Variants in CSGALNACT2 observed in about 807,000 individuals in gnomAD.
The protein encoded by CSGALNACT2 is chondroitin sulfate N-acetylgalactosaminyltransferase 2.
A neutral mutation model predicts 55.3 loss-of-function variants in CSGALNACT2; 35 were observed. The observed-to-expected ratio is 0.63, with a 90% CI of 0.48 to 0.84. The LOEUF is 0.84. CSGALNACT2 is among the 40% of genes least tolerant of loss of function. The probability of loss-of-function intolerance (pLI) is 0.00; values close to 1 mark genes in which losing one functional copy is unlikely to be tolerated. For synonymous variants in CSGALNACT2, 196 were observed against 224.9 expected, an observed-to-expected ratio of 0.87 and a Z score of 1.15; for missense variants, 544 against 657.5, an observed-to-expected ratio of 0.83 and a Z score of 1.89.
At chr10:43,146,556 CAAGTT>C (rs1178069494) in intron 1 of CSGALNACT2, among the ~76,000 whole-genome samples, 2 of 152,138 alleles carry the variant, frequency 1.3e-5, no homozygotes, top group Non-Finnish European at 2.9e-5. Flanking sequence ...TCAGTTCAGT[CAAGTT>C]GACACTCAAT....
Position 43,183,772 on chromosome 10 carries a change from T to C in CSGALNACT2, c.*230T>C. 1 of 542,742 alleles carries C rather than the reference T, an allele frequency of 1.8e-6. No homozygotes were observed. The highest frequency in any genetic ancestry group is 3.3e-6 in the Non-Finnish European group (1 of 303,752). 33.6% of individuals were successfully genotyped at this position (542,742 alleles called of 1,614,324 possible). ...CTATGGAATAATTGACAAATTGAAATCTCATATTTGTCCCAAAAGTTGTTT... is the reference window on the plus strand; with the variant it reads ...CTATGGAATAATTGACAAATTGAAACCTCATATTTGTCCCAAAAGTTGTTT... On this transcript the variant is annotated 3_prime_UTR_variant, in exon 8 of 8. Coordinates refer to ENST00000374466, the MANE Select transcript of CSGALNACT2 (RefSeq NM_018590.5).
rs756358314 is a variant in CSGALNACT2 at position 43,183,486 on chromosome 10, A to G, written c.1573A>G (p.Ile525Val). 2 of 1,614,182 alleles carry G rather than the reference A, an allele frequency of 1.2e-6. No individual in the cohort carries two copies. The highest frequency in any genetic ancestry group is 1.1e-5 in the South Asian group (1 of 91,078). The change falls in exon 8 of 8, where the codon ATA becomes GTA. Residue 525 changes from isoleucine (I) to valine (V), a missense_variant. Ile to Val is a conservative substitution (Grantham distance 29, BLOSUM62 3). Around this residue, in one of 2 missense-constraint regions of CSGALNACT2, gnomAD observed 170 missense variants for 256.2 expected, o/e 0.66. Coordinates refer to ENST00000374466, the MANE Select transcript of CSGALNACT2 (RefSeq NM_018590.5). ...HLGMLVFREE[I>V]ETHLHKQAYR... ...GGGAATGCTGGTCTTCAGGGAGGAA[A>G]TAGAGACGCATCTTCATAAACAGGC...
chr10:43,162,736 G>C, intron 4 of CSGALNACT2: 1 of 966,164 alleles, frequency 1.0e-6, no homozygotes, highest in Non-Finnish European at 1.2e-6. Context: ...GTCACCAGGA[G>C]GACTTGTGAA....
chr10:43,153,240 CAGG>C (rs957739057), intron 1 of CSGALNACT2, among the ~76,000 whole-genome samples: 6 of 148,980 alleles, frequency 4.0e-5, no homozygotes, highest in Admixed American at 3.4e-4. Context: ...GAGGCTGAGG[CAGG>C]AGAATAGCGC....
chr10:43,183,040 C>A (rs1839620763), intron 7 of CSGALNACT2, among the ~76,000 whole-genome samples: 1 of 152,146 alleles, frequency 6.6e-6, no homozygotes, highest in South Asian at 2.1e-4. Flanking sequence ...ATACTGTCAA[C>A]AACCAACCTT....
At chr10:43,154,092 T>G in intron 1 of CSGALNACT2, among the ~76,000 whole-genome samples, 1 of 152,224 alleles carries the variant, frequency 6.6e-6, no homozygotes, top group East Asian at 1.9e-4. Context: ...TCTCCTAGAT[T>G]GGCTGAGCTG....
At chr10:43,178,452 C>G (rs984646820) in intron 7 of CSGALNACT2, among the ~76,000 whole-genome samples, 15 of 152,024 alleles carry the variant, frequency 9.9e-5, no homozygotes, top group Admixed American at 6.6e-5. Flanking sequence ...AAAACCCTGT[C>G]TCTACTAAAA....
chr10:43,150,902 T>C (rs1269398391), intron 1 of CSGALNACT2, among the ~76,000 whole-genome samples: 1 of 152,210 alleles, frequency 6.6e-6, no homozygotes, highest in African/African-American at 2.4e-5. Flanking sequence ...GATTCTTTTT[T>C]CTTTCTGTAT....
At chr10:43,170,769 T>A (rs1205939644) in intron 6 of CSGALNACT2, among the ~76,000 whole-genome samples, 1 of 152,156 alleles carries the variant, frequency 6.6e-6, no homozygotes, top group African/African-American at 2.4e-5. Flanking sequence ...GCAGACACCT[T>A]AACCAAGGGA....
At chr10:43,149,256 T>G (rs1838824920) in intron 1 of CSGALNACT2, among the ~76,000 whole-genome samples, 1 of 152,150 alleles carries the variant, frequency 6.6e-6, no homozygotes. Flanking sequence ...CGGCTAATTT[T>G]TTGTATTTTT....
chr10:43,150,564 G>A (rs1353303379), intron 1 of CSGALNACT2, among the ~76,000 whole-genome samples: 2 of 152,098 alleles, frequency 1.3e-5, no homozygotes, highest in African/African-American at 4.8e-5. Flanking sequence ...ATTACTTTCA[G>A]TTTTCAAAGA....
intron 1 of CSGALNACT2, among the ~76,000 whole-genome samples, chr10:43,143,417 A>C (rs1838674347): frequency 6.6e-6 from 1 of 152,066 alleles, no homozygotes; most frequent in Non-Finnish European, 1.5e-5. Context: ...CTTCTGTAGT[A>C]TAGAATCAGG....
chr10:43,158,326 C>A (rs1293494772), intron 2 of CSGALNACT2, among the ~76,000 whole-genome samples: 1 of 152,084 alleles, frequency 6.6e-6, no homozygotes, highest in Middle Eastern at 3.2e-3. Flanking sequence ...CGAAGGCACT[C>A]GATTTCTTTT....
chr10:43,167,204 G>C, intron 6 of CSGALNACT2, 106 bp downstream of exon 6: 1 of 713,114 alleles, frequency 1.4e-6, no homozygotes, highest in South Asian at 1.7e-5. Flanking sequence ...ATTTCCATGA[G>C]CAAAGTGTTA....
intron 1 of CSGALNACT2, among the ~76,000 whole-genome samples, chr10:43,148,767 A>G (rs1023734044): frequency 2.0e-5 from 3 of 152,178 alleles, no homozygotes; most frequent in African/African-American, 7.2e-5. Context: ...TTTATTAGTT[A>G]TAATAGATTT....
At position 43,155,883 on chromosome 10, in the gene CSGALNACT2, TGTA is replaced by T; in HGVS notation, c.661+77_661+79del. The T allele has an allele frequency of 4.0e-6, 5 of 1,234,712 alleles. No individual in the cohort carries two copies. The South Asian group carries it at 5.9e-5, about 14-fold the overall frequency. The allele number at this position is 1,234,712 out of a possible 1,614,324, so 76.5% of individuals were successfully genotyped here. A position where few individuals can be genotyped will look rare whatever the true frequency, so the allele number is the denominator to read the frequency against. ...CTAGTATTGTATGCTGGTATTGTAT[TGTA>T]GTATTGTACTGTAGACAAATGCTAG... is the stretch of plus-strand genomic sequence containing the variant. On this transcript the variant is annotated intron_variant, in intron 2 of 7. Transcript: ENST00000374466.
In CSGALNACT2 at chr10:43,158,879, G is replaced by A. The variant is rs770084922; in HGVS notation, c.826G>A (p.Val276Met). The A allele has an allele frequency of 5.6e-6, 9 of 1,612,662 alleles. No homozygotes were observed. The Admixed American group carries it at 1.0e-4, about 18-fold the overall frequency. ...DITRSIINIIVPLAERTEAFV... is the reference protein window; with the variant it reads ...DITRSIINIIMPLAERTEAFV... ...CACTAGATCAATTATTAATATCATTGTGCCACTTGCTGAAAGAACTGAAGC... is the reference window on the plus strand; with the variant it reads ...CACTAGATCAATTATTAATATCATTATGCCACTTGCTGAAAGAACTGAAGC... Residue 276 changes from valine (V) to methionine (M), a missense_variant, in exon 3 of 8, where the codon GTG becomes ATG. Transcript: ENST00000374466.
chr10:43,158,566 T>G, intron 2 of CSGALNACT2, 149 bp from the exon 3 acceptor site: 2 of 588,446 alleles, frequency 3.4e-6, no homozygotes, highest in East Asian at 5.6e-5. Context: ...ATTGTTACTG[T>G]GCAGTGGGGA....
At chr10:43,151,982 G>A (rs141380952) in intron 1 of CSGALNACT2, among the ~76,000 whole-genome samples, 71 of 152,308 alleles carry the variant, frequency 4.7e-4, no homozygotes, top group African/African-American at 1.6e-3. Flanking sequence ...AATCTGGCCC[G>A]TTACTTCATC....
Sources: allele counts gnomAD v4.1 joint callset (sites outside exome capture counted in the v4.1 genomes callset), GRCh38; gene constraint gnomAD v4.1.1; regional missense constraint gnomAD v4.1.1; transcripts MANE v1.5; gene names NCBI Gene and HGNC (gene_info 2026-07-23, HGNC 2026-07-21).